Variants in DISC1 observed in about 807,000 individuals in gnomAD.
The protein encoded by DISC1 is DISC1 scaffold protein.
In DISC1, 57 loss-of-function variants were observed where a neutral mutation model predicts 84.5. That is an observed-to-expected ratio of 0.67 (90% CI 0.55 to 0.84). The LOEUF is 0.84. Among genes scored for constraint, DISC1 ranks in the 40% least tolerant of loss-of-function variants. The pLI is 0.00. For synonymous variants in DISC1, 411 were observed against 415.2 expected (o/e 0.99, Z 0.12); for missense variants, 1,000 against 1,057.8 (o/e 0.95, Z 0.76).
chr1:231,783,024 T>A (rs2077551644), intron 6 of DISC1, among the ~76,000 whole-genome samples: 1 of 152,172 alleles, frequency 6.6e-6, no homozygotes. Flanking sequence ...CAACTGGACA[T>A]TACTTATTAA....
At chr1:231,862,075 A>T (rs1046438623) in intron 9 of DISC1, among the ~76,000 whole-genome samples, 2 of 152,208 alleles carry the variant, frequency 1.3e-5, no homozygotes, top group African/African-American at 2.4e-5. Context: ...ACTGGCTTTC[A>T]CCAGGAGGAT....
chr1:231,670,077 G>A (rs182420093), intron 1 of DISC1, among the ~76,000 whole-genome samples: 4 of 152,256 alleles, frequency 2.6e-5, no homozygotes, highest in African/African-American at 9.6e-5. Flanking sequence ...GATGGAGCGG[G>A]AGGCCATTAT....
chr1:231,747,470 A>T (rs1310760089), intron 3 of DISC1, among the ~76,000 whole-genome samples: 2 of 152,230 alleles, frequency 1.3e-5, no homozygotes, highest in East Asian at 1.9e-4. Context: ...ATCCTTCTGC[A>T]TATGGATATA....
At position 231,750,084 on chromosome 1, in the gene DISC1, CTTG is replaced by C; in HGVS notation, c.1268+11_1268+13del. Reference sequence around the variant, plus strand: ...CCGTGGGGCCACTCAGCAGTGAGTACTTGTTATTGTCACCATTTTCCCCTCATG... The same window carrying C: ...CCGTGGGGCCACTCAGCAGTGAGTACTTATTGTCACCATTTTCCCCTCATG... On this transcript the variant is annotated intron_variant, in intron 4 of 12. Transcript: ENST00000439617. The C allele has an allele frequency of 6.2e-7, 1 of 1,609,548 alleles. No individual in the cohort carries two copies. Among genetic ancestry groups the C allele is most frequent in the Non-Finnish European group, 8.5e-7 (1 of 1,177,434 alleles).
At chr1:231,660,208 C>G (rs2061460875) in intron 1 of DISC1, among the ~76,000 whole-genome samples, 1 of 152,116 alleles carries the variant, frequency 6.6e-6, no homozygotes, top group African/African-American at 2.4e-5. Context: ...TTGAATTGAA[C>G]TCTTTACCAT....
chr1:231,702,242 C>A, intron 3 of DISC1: 2 of 1,260,046 alleles, frequency 1.6e-6, no homozygotes, highest in Non-Finnish European at 1.0e-6. Context: ...ATAACCTTAT[C>A]AATTGTCCAG....
intron 1 of DISC1, among the ~76,000 whole-genome samples, chr1:231,642,068 G>A (rs1284567604): frequency 2.0e-5 from 3 of 152,218 alleles, no homozygotes; most frequent in Admixed American, 1.3e-4. Flanking sequence ...CAGGCATGGC[G>A]GGCTGCAGGT....
At chr1:231,795,546 AG>A (rs1441865828) in intron 7 of DISC1, among the ~76,000 whole-genome samples, 2 of 152,236 alleles carry the variant, frequency 1.3e-5, no homozygotes, top group African/African-American at 4.8e-5. Context: ...CTGTCAATTT[AG>A]GGACTGAAAA....
intron 9 of DISC1, among the ~76,000 whole-genome samples, chr1:231,944,233 G>C (rs2091492240): frequency 6.6e-6 from 1 of 152,180 alleles, no homozygotes; most frequent in Admixed American, 6.5e-5. Context: ...ATGTGTGTCT[G>C]AGTTTTGTCT....
At chr1:231,999,687 TA>T (rs1666404428) in intron 10 of DISC1, among the ~76,000 whole-genome samples, 1 of 152,130 alleles carries the variant, frequency 6.6e-6, no homozygotes, top group South Asian at 2.1e-4. Context: ...TCTGAGACTT[TA>T]CACCCGCACC....
intron 9 of DISC1, among the ~76,000 whole-genome samples, chr1:231,904,313 C>A (rs2126034558): frequency 6.6e-6 from 1 of 152,232 alleles, no homozygotes; most frequent in East Asian, 1.9e-4. Flanking sequence ...TTTTTTCTGT[C>A]CCCTCCCTTC....
At chr1:232,003,668 A>G (rs888031344) in intron 10 of DISC1, among the ~76,000 whole-genome samples, 1 of 152,158 alleles carries the variant, frequency 6.6e-6, no homozygotes, top group African/African-American at 2.4e-5. Flanking sequence ...AAAATTTACA[A>G]AAATCAATGA....
At chr1:231,669,613 A>G (rs776645462) in intron 1 of DISC1, among the ~76,000 whole-genome samples, 3 of 152,228 alleles carry the variant, frequency 2.0e-5, no homozygotes, top group Non-Finnish European at 2.9e-5. Context: ...GACAACAATC[A>G]TATGAAAAAA....
At chr1:231,854,222 A>AT (rs1392847592) in intron 9 of DISC1, among the ~76,000 whole-genome samples, 1 of 152,158 alleles carries the variant, frequency 6.6e-6, no homozygotes, top group African/African-American at 2.4e-5. Flanking sequence ...AGTCATTCTA[A>AT]TTTTTTTCTC....
intron 10 of DISC1, among the ~76,000 whole-genome samples, chr1:231,973,140 G>C (rs1158267802): frequency 1.3e-5 from 2 of 150,946 alleles, no homozygotes; most frequent in African/African-American, 2.4e-5. Flanking sequence ...TCTGCCTCCT[G>C]GGTTCAAGCA....
chr1:231,642,224 C>T (rs947951778), intron 1 of DISC1, among the ~76,000 whole-genome samples: 1 of 152,220 alleles, frequency 6.6e-6, no homozygotes, highest in Non-Finnish European at 1.5e-5. Context: ...AGCCCATGCT[C>T]ACCCGGAACT....
chr1:231,866,087 G>A (rs1486459589), intron 9 of DISC1, among the ~76,000 whole-genome samples: 1 of 152,034 alleles, frequency 6.6e-6, no homozygotes, highest in Non-Finnish European at 1.5e-5. Flanking sequence ...CCAGACCTCT[G>A]AGCCTGGTGT....
Position 231,767,158 on chromosome 1 carries a change from C to A in DISC1, c.1287C>A (p.Thr429=). ...TTTTAAGGGCCAGCGGAGATGACAC[C>A]CACACCCCACTGAGAATGGAGCCGA... ...GATQQASGDD[T]HTPLRMEPRL... Residue 429 remains threonine, a synonymous_variant, in exon 5 of 13, where the codon ACC becomes ACA. Coordinates refer to ENST00000439617, the MANE Select transcript of DISC1 (RefSeq NM_018662.3). 1.2e-5 allele frequency: 19 copies of A among 1,614,134 alleles called. No homozygotes were observed. The highest frequency in any genetic ancestry group is 1.4e-5 in the Non-Finnish European group (17 of 1,180,022).
intron 9 of DISC1, among the ~76,000 whole-genome samples, chr1:231,947,770 A>G (rs1323905456): frequency 6.6e-6 from 1 of 152,246 alleles, no homozygotes; most frequent in Admixed American, 6.5e-5. Context: ...AGTAAAAAAC[A>G]AATAGCCCCA....
Sources: allele counts gnomAD v4.1 joint callset (sites outside exome capture counted in the v4.1 genomes callset), GRCh38; gene constraint gnomAD v4.1.1; transcripts MANE v1.5; gene names NCBI Gene and HGNC (gene_info 2026-07-23, HGNC 2026-07-21).